MGAT4C: variants seen among roughly 807,000 people sequenced by gnomAD.
The protein encoded by MGAT4C is MGAT4 family member C, also known as alpha-1,3-mannosyl-glycoprotein 4-beta-N-acetylglucosaminyltransferase C.
MGAT4C carries 19 observed loss-of-function variants against 40.1 expected under a neutral mutation model. The observed-to-expected ratio is 0.47, with a 90% CI of 0.33 to 0.70. The LOEUF is 0.70. Ranked by LOEUF, MGAT4C falls within the 30% of genes least tolerant of loss-of-function variation. MGAT4C has a pLI of 0.02. For missense variants in MGAT4C, 491 were observed against 563.2 expected (o/e 0.87, Z 1.30); for synonymous variants, 181 against 187.1 (o/e 0.97, Z 0.27).
chr12:86,633,151 C>A (rs1318632089), intron 2 of MGAT4C, among the ~76,000 whole-genome samples: 1 of 151,362 alleles, frequency 6.6e-6, no homozygotes, highest in South Asian at 2.1e-4. Flanking sequence ...TTAAAATAAC[C>A]GATTATTGCA....
intron 1 of MGAT4C, among the ~76,000 whole-genome samples, chr12:86,156,896 A>T (rs1885009454): frequency 6.6e-6 from 1 of 152,184 alleles, no homozygotes. Flanking sequence ...AGAAGAAAAT[A>T]GCTTAATTTT....
At chr12:86,292,463 C>A (rs1953547093) in intron 4 of MGAT4C, among the ~76,000 whole-genome samples, 2 of 150,482 alleles carry the variant, frequency 1.3e-5, no homozygotes, top group African/African-American at 2.4e-5. Flanking sequence ...GTGAAGAGAT[C>A]AGGAGAGCTA....
At chr12:86,759,977 A>G (rs188490175) in intron 1 of MGAT4C, among the ~76,000 whole-genome samples, 3 of 152,288 alleles carry the variant, frequency 2.0e-5, no homozygotes, top group African/African-American at 7.2e-5. Flanking sequence ...AACAATTTTG[A>G]GCAAAAATAA....
Position 86,704,846 on chromosome 12 carries a change from C to A in MGAT4C, c.-229+22363G>T, listed in dbSNP as rs557921568. 7.9e-5 allele frequency among the ~76,000 whole-genome samples: 12 copies of A among 152,262 alleles called. No individual in the cohort carries two copies. In the East Asian group the frequency reaches 2.1e-3, roughly 27 times the overall value. Reference sequence around the variant, plus strand: ...TTCTTGTGATAACAAGATACACACACCTGCAATGCCAACCATGTCACTGTC... The same window carrying A: ...TTCTTGTGATAACAAGATACACACAACTGCAATGCCAACCATGTCACTGTC... On this transcript the variant is annotated intron_variant, in intron 2 of 7. Transcript: ENST00000548651.
At chr12:86,532,417 G>A (rs968796647) in intron 2 of MGAT4C, among the ~76,000 whole-genome samples, 14 of 151,912 alleles carry the variant, frequency 9.2e-5, no homozygotes, top group African/African-American at 2.9e-4. Flanking sequence ...GACAAAGTAG[G>A]TTTTTCTTAA....
chr12:86,634,527 G>T (rs1158200075), intron 2 of MGAT4C, among the ~76,000 whole-genome samples: 3 of 152,050 alleles, frequency 2.0e-5, no homozygotes, highest in Non-Finnish European at 4.4e-5. Flanking sequence ...AATTGTTTTG[G>T]CTGCATTCCT....
chr12:86,108,776 T>C (rs568854053), intron 1 of MGAT4C, among the ~76,000 whole-genome samples: 1 of 152,288 alleles, frequency 6.6e-6, no homozygotes, highest in African/African-American at 2.4e-5. Context: ...ACCACCATCA[T>C]GAATATTTAT....
chr12:86,428,253 G>T (rs1956967880), intron 3 of MGAT4C, among the ~76,000 whole-genome samples: 1 of 152,108 alleles, frequency 6.6e-6, no homozygotes, highest in African/African-American at 2.4e-5. Context: ...TACAGTTTAG[G>T]TTAATTGCTC....
chr12:86,800,321 A>T (rs1952202840), intron 1 of MGAT4C, among the ~76,000 whole-genome samples: 1 of 151,942 alleles, frequency 6.6e-6, no homozygotes, highest in African/African-American at 2.4e-5. Context: ...TAATCACAAA[A>T]GTAAGGCAGC....
chr12:85,986,937 T>C (rs1427532143), intron 3 of MGAT4C, among the ~76,000 whole-genome samples: 2 of 152,014 alleles, frequency 1.3e-5, no homozygotes, highest in Non-Finnish European at 2.9e-5. Flanking sequence ...TTTCAACTTA[T>C]AGCCTTGAAG....
chr12:86,233,550 T>C (rs1951412341), intron 1 of MGAT4C, among the ~76,000 whole-genome samples: 1 of 152,134 alleles, frequency 6.6e-6, no homozygotes, highest in Admixed American at 6.6e-5. Flanking sequence ...TGATATTTTG[T>C]TGGTGAATTC....
At chr12:86,808,067 C>T (rs1049044525) in intron 1 of MGAT4C, among the ~76,000 whole-genome samples, 69 of 152,062 alleles carry the variant, frequency 4.5e-4, no homozygotes, top group African/African-American at 1.4e-3. Flanking sequence ...TACACCCTCC[C>T]AAGGCTGAAC....
At chr12:86,646,716 C>T (rs1359953708) in intron 2 of MGAT4C, among the ~76,000 whole-genome samples, 1 of 151,950 alleles carries the variant, frequency 6.6e-6, no homozygotes, top group African/African-American at 2.4e-5. Flanking sequence ...TTACATGTTT[C>T]TCTCATACCA....
At chr12:86,479,620 A>G (rs1320635137) in intron 2 of MGAT4C, among the ~76,000 whole-genome samples, 1 of 151,974 alleles carries the variant, frequency 6.6e-6, no homozygotes, top group Non-Finnish European at 1.5e-5. Flanking sequence ...TTTAAATGAT[A>G]AAAAGAAAGA....
chr12:86,708,733 A>G (rs1950507211), intron 2 of MGAT4C, among the ~76,000 whole-genome samples: 1 of 152,192 alleles, frequency 6.6e-6, no homozygotes, highest in Non-Finnish European at 1.5e-5. Flanking sequence ...ATCATTTTGG[A>G]GCCTAAAGAT....
intron 2 of MGAT4C, among the ~76,000 whole-genome samples, chr12:86,047,636 A>G (rs1303830050): frequency 6.6e-6 from 1 of 152,194 alleles, no homozygotes; most frequent in African/African-American, 2.4e-5. Flanking sequence ...TCTCCCTCAT[A>G]AAATAAGAAA....
At chr12:86,191,923 G>A (rs372294344) in intron 1 of MGAT4C, among the ~76,000 whole-genome samples, 1 of 150,304 alleles carries the variant, frequency 6.7e-6, no homozygotes, top group African/African-American at 2.4e-5. Flanking sequence ...CATAAAAAAG[G>A]GTGAGTTCAT....
chr12:86,199,457 T>A (rs894189510), intron 1 of MGAT4C, among the ~76,000 whole-genome samples: 4 of 152,240 alleles, frequency 2.6e-5, no homozygotes, highest in African/African-American at 4.8e-5. Flanking sequence ...TTTTAAGTTT[T>A]AAAAAAATTC....
chr12:86,494,622 T>TAA (rs1057250649), intron 2 of MGAT4C, among the ~76,000 whole-genome samples: 2 of 147,348 alleles, frequency 1.4e-5, no homozygotes, highest in East Asian at 2.0e-4. Flanking sequence ...AGCAATCATT[T>TAA]AAAAAAAAAA....
Sources: gnomAD v4.1 joint callset for allele counts (sites outside exome capture counted in the v4.1 genomes callset) on GRCh38, gnomAD v4.1.1 for gene constraint, MANE v1.5 for transcripts, NCBI Gene and HGNC (gene_info 2026-07-23, HGNC 2026-07-21) for gene names.